Variants in ZNF423 observed in about 807,000 individuals in gnomAD.
ZNF423 encodes the protein zinc finger protein 423, also known as Ebf-associated zinc finger protein.
Under a neutral mutation model 95.8 loss-of-function variants are expected in ZNF423, and 12 were observed. The ratio of observed to expected loss-of-function variants is 0.13; its 90% CI spans 0.08 to 0.20. The LOEUF (loss-of-function observed/expected upper bound fraction) is 0.20. Ranked by LOEUF, ZNF423 falls within the 10% of genes least tolerant of loss-of-function variation. The probability of loss-of-function intolerance (pLI) is 1.00; values close to 1 mark genes in which losing one functional copy is unlikely to be tolerated. For synonymous variants in ZNF423, 749 were observed against 711.9 expected (o/e 1.05, Z -0.83); for missense variants, 1,316 against 1,737.1 (o/e 0.76, Z 4.31).
chr16:49,589,032 C>T (rs1299043898), intron 5 of ZNF423, among the ~76,000 whole-genome samples: 1 of 152,220 alleles, frequency 6.6e-6, no homozygotes, highest in Non-Finnish European at 1.5e-5. Context: ...TCTCTGAGGT[C>T]CTCCCCAGCA....
chr16:49,831,828 TA>T (rs879349353), intron 1 of ZNF423, among the ~76,000 whole-genome samples: 377 of 142,872 alleles, frequency 2.6e-3, no homozygotes, highest in African/African-American at 7.0e-3. Flanking sequence ...CCATCTCTAC[TA>T]AAAAAAAAAA....
chr16:49,709,100 G>A (rs913472249), intron 3 of ZNF423, among the ~76,000 whole-genome samples: 2 of 150,292 alleles, frequency 1.3e-5, no homozygotes, highest in Admixed American at 1.3e-4. Flanking sequence ...AACAAGACAG[G>A]CCTTATCCTC....
At chr16:49,663,017 T>C (rs2151916346) in intron 3 of ZNF423, among the ~76,000 whole-genome samples, 1 of 152,258 alleles carries the variant, frequency 6.6e-6, no homozygotes, top group South Asian at 2.1e-4. Flanking sequence ...TGGTCTTGGT[T>C]TCGGCAACAG....
At chr16:49,647,421 C>T (rs566940893) in intron 3 of ZNF423, among the ~76,000 whole-genome samples, 1 of 152,316 alleles carries the variant, frequency 6.6e-6, no homozygotes, top group South Asian at 2.1e-4. Flanking sequence ...ACTTCCAAAA[C>T]ATATGAATAT....
intron 3 of ZNF423, among the ~76,000 whole-genome samples, chr16:49,644,037 C>T (rs1427933122): frequency 6.6e-6 from 1 of 152,206 alleles, no homozygotes; most frequent in East Asian, 1.9e-4. Flanking sequence ...GTGCAAGTGG[C>T]CGCCCAGAAT....
intron 1 of ZNF423, among the ~76,000 whole-genome samples, chr16:49,816,278 C>T (rs748458904): frequency 5.3e-5 from 8 of 152,148 alleles, no homozygotes; most frequent in Non-Finnish European, 1.2e-4. Context: ...ACTGGATGCG[C>T]TCCTCGGGTT....
intron 2 of ZNF423, among the ~76,000 whole-genome samples, chr16:49,739,870 T>TC: frequency 6.7e-6 from 1 of 149,854 alleles, no homozygotes; most frequent in East Asian, 2.0e-4. Context: ...GTAATTTTTT[T>TC]TCCCCCAAGA....
At chr16:49,531,393 A>C (rs1968840832) in intron 5 of ZNF423, among the ~76,000 whole-genome samples, 1 of 151,820 alleles carries the variant, frequency 6.6e-6, no homozygotes, top group Non-Finnish European at 1.5e-5. Context: ...AGGCCCCAGC[A>C]CTCATCCAGG....
Position 49,809,441 on chromosome 16 carries a change from G to A in ZNF423, c.41-19895C>T, listed in dbSNP as rs1236821936. ...GCAGCAGGTTCAATCTCCCCACCCA[G>A]GCAGAGAGGTCTCAGAGAAGCCTTG... On this transcript the variant is annotated intron_variant, in intron 1 of 7. Transcript: ENST00000563137. 3.9e-5 allele frequency among the ~76,000 whole-genome samples: 6 copies of A among 152,214 alleles called. No homozygotes were observed. In the East Asian group the frequency reaches 1.2e-3, roughly 29 times the overall value.
At chr16:49,820,061 G>C (rs1053535293) in intron 1 of ZNF423, among the ~76,000 whole-genome samples, 3 of 151,616 alleles carry the variant, frequency 2.0e-5, no homozygotes, top group Non-Finnish European at 4.4e-5. Flanking sequence ...TGGATGGATG[G>C]ATGGATGGAT....
intron 2 of ZNF423, among the ~76,000 whole-genome samples, chr16:49,776,465 C>T (rs536170235): frequency 6.6e-6 from 1 of 152,218 alleles, no homozygotes; most frequent in Non-Finnish European, 1.5e-5. Flanking sequence ...AGGCCATTGT[C>T]GGCCTTTGTT....
intron 5 of ZNF423, among the ~76,000 whole-genome samples, chr16:49,548,407 A>AT (rs1969512208): frequency 6.6e-6 from 1 of 152,212 alleles, no homozygotes; most frequent in Non-Finnish European, 1.5e-5. Context: ...CAAAGCAATA[A>AT]TTATGACTTC....
At position 49,785,372 on chromosome 16, in the gene ZNF423, C is replaced by T. The variant is rs548923037; in HGVS notation, c.100+4115G>A. Among the ~76,000 whole-genome samples the T allele has an allele frequency of 7.9e-5, 12 of 152,282 alleles. No homozygotes were observed. The South Asian group carries it at 1.5e-3, about 18-fold the overall frequency. On this transcript the variant is annotated intron_variant, in intron 2 of 7. Transcript: ENST00000563137. ...CTGGGATTACAGGCATGAGCTACCG[C>T]GCCTGGTCCAGAGTTTCCTTTTAAG...
intron 3 of ZNF423, among the ~76,000 whole-genome samples, chr16:49,677,723 C>T (rs1236889303): frequency 2.1e-5 from 3 of 146,228 alleles, no homozygotes; most frequent in Admixed American, 6.9e-5. Context: ...CACTGCCCTC[C>T]GGCCTGGATA....
chr16:49,691,649 G>A (rs943933623), intron 3 of ZNF423, among the ~76,000 whole-genome samples: 1 of 151,932 alleles, frequency 6.6e-6, no homozygotes, highest in Admixed American at 6.5e-5. Context: ...GGAGAATGGC[G>A]TGAACCTGGG....
intron 5 of ZNF423, among the ~76,000 whole-genome samples, chr16:49,540,377 C>T (rs1342841029): frequency 1.3e-5 from 2 of 152,286 alleles, no homozygotes; most frequent in South Asian, 2.1e-4. Flanking sequence ...CAGGCTCAGG[C>T]GATCCTCACA....
intron 2 of ZNF423, among the ~76,000 whole-genome samples, chr16:49,769,656 G>A (rs1329559573): frequency 6.6e-6 from 1 of 152,072 alleles, no homozygotes; most frequent in Non-Finnish European, 1.5e-5. Context: ...AGACACTTCT[G>A]CCTGCTCCCC....
chr16:49,769,753 C>T (rs112709902), intron 2 of ZNF423, among the ~76,000 whole-genome samples: 1 of 149,036 alleles, frequency 6.7e-6, no homozygotes, highest in Non-Finnish European at 1.5e-5. Context: ...CACGCTCCCC[C>T]CACCACCTCA....
chr16:49,623,307 G>A, intron 5 of ZNF423, among the ~76,000 whole-genome samples: 1 of 152,164 alleles, frequency 6.6e-6, no homozygotes, highest in East Asian at 1.9e-4. Flanking sequence ...CCGGCCCACA[G>A]CTCATACACA....
Sources: allele counts gnomAD v4.1 joint callset (sites outside exome capture counted in the v4.1 genomes callset), GRCh38; gene constraint gnomAD v4.1.1; transcripts MANE v1.5; gene names NCBI Gene and HGNC (gene_info 2026-07-23, HGNC 2026-07-21).